The following STON1 variants were observed in gnomAD, a reference collection of about 807,000 sequenced individuals.
STON1 encodes stonin-1.
In STON1, 79 loss-of-function variants were observed where a neutral mutation model predicts 60.9. The observed-to-expected ratio is 1.30, with a 90% confidence interval of 1.08 to 1.56. The LOEUF (loss-of-function observed/expected upper bound fraction) is 1.56, where lower values mean the gene tolerates loss of function less well. STON1 is among the 40% of genes most tolerant of loss of function. STON1 has a pLI of 0.00. For missense variants in STON1, 1,166 were observed against 858.9 expected (o/e 1.36, Z -4.47); for synonymous variants, 363 against 306.9 (o/e 1.18, Z -1.91).
chr2:48,580,363 T>A (rs950278198), intron 1 of STON1, among the ~76,000 whole-genome samples: 1 of 152,212 alleles, frequency 6.6e-6, no homozygotes, highest in Non-Finnish European at 1.5e-5. Context: ...AACATTTGCA[T>A]GGAATATGTT....
chr2:48,575,522 G>T (rs1673434057), intron 1 of STON1, among the ~76,000 whole-genome samples: 1 of 151,786 alleles, frequency 6.6e-6, no homozygotes, highest in Non-Finnish European at 1.5e-5. Context: ...GCATGGTGGT[G>T]CATGCCTGTA....
intron 1 of STON1, among the ~76,000 whole-genome samples, chr2:48,578,948 AG>A (rs1484131412): frequency 6.6e-6 from 1 of 151,764 alleles, no homozygotes; most frequent in Admixed American, 6.6e-5. Context: ...CTCTGGTATA[AG>A]ATTACAGTTT....
At chr2:48,555,593 G>T (rs1329372421) in intron 1 of STON1, among the ~76,000 whole-genome samples, 4 of 48,892 alleles carry the variant, frequency 8.2e-5, no homozygotes, top group African/African-American at 3.4e-4. Context: ...TGGCCGGGCG[G>T]GGGGCTGACC....
At chr2:48,572,204 A>T (rs1673246975) in intron 1 of STON1, among the ~76,000 whole-genome samples, 1 of 152,094 alleles carries the variant, frequency 6.6e-6, no homozygotes, top group South Asian at 2.1e-4. Context: ...ATAGCAAGAG[A>T]TTGAAGAGGG....
chr2:48,573,534 C>T (rs1673326041), intron 1 of STON1, among the ~76,000 whole-genome samples: 1 of 151,974 alleles, frequency 6.6e-6, no homozygotes, highest in African/African-American at 2.4e-5. Flanking sequence ...AGAGTGGTGC[C>T]CAGAATTTGG....
In STON1 at chr2:48,582,089, C is replaced by A; in HGVS notation, c.1456C>A (p.His486Asn). Residue 486 changes from histidine (H) to asparagine (N), a missense_variant, in exon 2 of 4, where the codon CAT becomes AAT. Transcript: ENST00000404752. ...EKKGIDILDY[H>N]FHKCVNVQEF... Reference sequence around the variant, plus strand: ...AAAGGGGATTGATATTCTTGACTACCATTTTCATAAGTGTGTGAATGTACA... The same window carrying A: ...AAAGGGGATTGATATTCTTGACTACAATTTTCATAAGTGTGTGAATGTACA... 6.2e-7 allele frequency: 1 copy of A among 1,614,096 alleles called. No homozygotes were observed. The highest frequency in any genetic ancestry group is 8.5e-7 in the Non-Finnish European group (1 of 1,180,012).
Position 48,595,526 on chromosome 2 carries a change from T to A in STON1, c.*224T>A. 1 of 480,078 alleles carries A rather than the reference T, an allele frequency of 2.1e-6. No homozygotes were observed. Among genetic ancestry groups the A allele is most frequent in the Non-Finnish European group, 3.7e-6 (1 of 271,408 alleles). 29.7% of individuals were successfully genotyped at this position (480,078 alleles called of 1,614,324 possible). ...GTTCGATCTAAAATGTTTCTATAAT[T>A]CGTGTGATGTTTTGCTTCCTATTGA... On this transcript the variant is annotated 3_prime_UTR_variant, in exon 4 of 4. Transcript: ENST00000404752.
At position 48,592,616 on chromosome 2, in the gene STON1, T is replaced by TTATTAC. The variant is rs1467900920; in HGVS notation, c.2133+766_2133+767insCTATTA. ...CCAGCTATTATTATTATTATTATTA[T>TTATTAC]TATTATTATTATTATTCTATTTTTA... On this transcript the variant is annotated intron_variant, in intron 3 of 3. Transcript: ENST00000404752. Among the ~76,000 whole-genome samples, 8 of 147,622 alleles carry TTATTAC rather than the reference T, an allele frequency of 5.4e-5. No individual in the cohort carries two copies. The South Asian group carries it at 1.5e-3, about 28-fold the overall frequency.
intron 1 of STON1, among the ~76,000 whole-genome samples, chr2:48,564,408 T>TTCC (rs1672744269): frequency 4.6e-5 from 1 of 21,808 alleles, no homozygotes; most frequent in South Asian, 2.1e-3. Flanking sequence ...TGGCGGTGTC[T>TTCC]TCTTCTTCTT....
intron 1 of STON1, among the ~76,000 whole-genome samples, chr2:48,571,277 G>A (rs529796746): frequency 1.3e-5 from 2 of 152,290 alleles, no homozygotes; most frequent in East Asian, 3.9e-4. Flanking sequence ...TGAGGGAAAA[G>A]CCAGGGAATC....
chr2:48,583,151 C>T lies in STON1; in HGVS notation c.1930+588C>T, dbSNP rs139403693. On this transcript the variant is annotated intron_variant, in intron 2 of 3. Coordinates refer to ENST00000404752, the MANE Select transcript of STON1 (RefSeq NM_006873.4). The stretch of plus-strand genomic sequence containing the variant: ...TCATCCAGGCTGGAGTGCAGTGGCA[C>T]GATCACGGCTCACTGCAGCCTCCAC... Among the ~76,000 whole-genome samples the T allele has an allele frequency of 5.1e-3, 780 of 152,330 alleles. 6 individuals are homozygous for T. The highest frequency in any genetic ancestry group is 0.018 in the African/African-American group (754 of 41,572).
In STON1 at chr2:48,564,476, CTT is replaced by C. The variant is rs1558604680; in HGVS notation, c.-47-16110_-47-16109del. Reference sequence around the variant, plus strand: ...TCTTCTTCTTCTTCTTCTTCTTCTTCTTCTTTCTTCTTCTTCTTCTTCTTCTT... The same window carrying C: ...TCTTCTTCTTCTTCTTCTTCTTCTTCCTTTCTTCTTCTTCTTCTTCTTCTT... On this transcript the variant is annotated intron_variant, in intron 1 of 3. Transcript: ENST00000404752. 5.4e-4 allele frequency among the ~76,000 whole-genome samples: 27 copies of C among 50,348 alleles called. 4 individuals carry two copies. The highest frequency in any genetic ancestry group is 2.1e-3 in the African/African-American group (27 of 12,912). 33.0% of individuals were successfully genotyped at this position (50,348 alleles called of 152,430 possible). A position where few individuals can be genotyped will look rare whatever the true frequency, so the allele number is the denominator to read the frequency against.
At chr2:48,578,176 C>T (rs1673627893) in intron 1 of STON1, among the ~76,000 whole-genome samples, 1 of 152,008 alleles carries the variant, frequency 6.6e-6, no homozygotes, top group African/African-American at 2.4e-5. Context: ...GGGGTTTCAC[C>T]ATGTTGGCCA....
intron 1 of STON1, among the ~76,000 whole-genome samples, chr2:48,541,759 A>G (rs1671664303): frequency 1.3e-5 from 2 of 151,790 alleles, no homozygotes; most frequent in Non-Finnish European, 2.9e-5. Context: ...AAGTAAATAC[A>G]TGTACATTGG....
chr2:48,581,415 C>A lies in STON1; in HGVS notation c.782C>A (p.Ser261Tyr). Residue 261 changes from serine (S) to tyrosine (Y), a missense_variant, in exon 2 of 4, where the codon TCC (serine) becomes TAC (tyrosine). Transcript: ENST00000404752. ...CTATGTGCTGAAGAAAATGCCTCTT[C>A]CTTTGTCCCCCACACACTCTTCAGG... Reference protein sequence around the residue: ...HCLCAEENASSFVPHTLFRSQ... With the variant: ...HCLCAEENASYFVPHTLFRSQ... 6.2e-7 allele frequency: 1 copy of A among 1,611,872 alleles called. No individual in the cohort carries two copies. The highest frequency in any genetic ancestry group is 1.7e-4 in the Middle Eastern group (1 of 6,050).
Position 48,581,870 on chromosome 2 carries a change from C to T in STON1, c.1237C>T (p.Gln413Ter), listed in dbSNP as rs775476043. Residue 413 changes from glutamine (Q) to a stop codon, truncating the protein, a stop_gained, in exon 2 of 4, where the codon CAA becomes TAA. Transcript: ENST00000404752. LOFTEE classifies it high-confidence loss of function. The part of the protein sequence containing the change: ...VSKPKKNYEE[Q>*]EISLEIVDNF... The stretch of plus-strand genomic sequence containing the variant: ...AAAACCAAAAAAGAACTACGAGGAG[C>T]AAGAAATTTCCTTGGAAATTGTGGA... 1.2e-6 allele frequency: 2 copies of T among 1,613,894 alleles called. No individual in the cohort carries two copies. The highest frequency in any genetic ancestry group is 2.2e-5 in the East Asian group (1 of 44,902).
At chr2:48,576,023 G>T (rs1248151716) in intron 1 of STON1, among the ~76,000 whole-genome samples, 1 of 151,578 alleles carries the variant, frequency 6.6e-6, no homozygotes, top group Non-Finnish European at 1.5e-5. Context: ...CTCCCAAAGT[G>T]CCTGGATTAG....
At chr2:48,586,050 G>A (rs1335201965) in intron 2 of STON1, among the ~76,000 whole-genome samples, 4 of 152,242 alleles carry the variant, frequency 2.6e-5, no homozygotes, top group African/African-American at 9.6e-5. Flanking sequence ...TGCTCCGGGA[G>A]GCCCTGAAGG....
rs754981323 is a variant in STON1 at position 48,582,291 on chromosome 2, C to G, written c.1658C>G (p.Ala553Gly). 1.2e-6 allele frequency: 2 copies of G among 1,614,040 alleles called. No homozygotes were observed. The highest frequency in any genetic ancestry group is 1.3e-5 in the African/African-American group (1 of 74,926). The change falls in exon 2 of 4, where the codon GCG (alanine) becomes GGG (glycine). Residue 553 changes from alanine (A) to glycine (G), a missense_variant. Transcript: ENST00000404752. ...LQAFVNMASLAQRSSYAGSLR... is the reference protein window; with the variant it reads ...LQAFVNMASLGQRSSYAGSLR... ...GCTTTTGTCAACATGGCCTCATTGG[C>G]GCAGAGGTCATCCTATGCTGGTTCC... is the stretch of plus-strand genomic sequence containing the variant.
Sources: gnomAD v4.1 joint callset for allele counts (sites outside exome capture counted in the v4.1 genomes callset) on GRCh38, gnomAD v4.1.1 for gene constraint, MANE v1.5 for transcripts, NCBI Gene and HGNC (gene_info 2026-07-23, HGNC 2026-07-21) for gene names.